Variants in PUDP observed in about 807,000 individuals in gnomAD.
PUDP encodes pseudouridine-5'-phosphatase.
In PUDP, 8 loss-of-function variants were observed where a neutral mutation model predicts 9.4. That is an observed-to-expected ratio of 0.85 (90% confidence interval 0.50 to 1.53). PUDP has a LOEUF of 1.53. PUDP is among the 40% of genes most tolerant of loss of function. The pLI is 0.00. For missense variants in PUDP, 188 were observed against 189.7 expected (o/e 0.99, Z 0.05); for synonymous variants, 99 against 80.7 (o/e 1.23, Z -1.22).
intron 3 of PUDP, among the ~76,000 whole-genome samples, chrX:6,914,360 G>A (rs181415622): frequency 9.0e-6 from 1 of 111,047 alleles, no homozygotes; most frequent in Non-Finnish European, 1.9e-5. Flanking sequence ...TCCACATACA[G>A]AATCATGGAC....
chrX:6,868,617 T>C (rs1226530839), intron 3 of PUDP, among the ~76,000 whole-genome samples: 1 of 112,597 alleles, frequency 8.9e-6, no homozygotes, highest in African/African-American at 3.2e-5. Context: ...ACAAATGTCT[T>C]TTCTTAAGCT....
intron 3 of PUDP, among the ~76,000 whole-genome samples, chrX:6,776,045 C>T (rs1925453628): frequency 8.9e-6 from 1 of 112,173 alleles, no homozygotes; most frequent in African/African-American, 3.2e-5. Flanking sequence ...TGCCACTTTA[C>T]ATTCTCACTG....
At chrX:6,777,451 G>A (rs1925484302) in intron 3 of PUDP, among the ~76,000 whole-genome samples, 1 of 111,951 alleles carries the variant, frequency 8.9e-6, no homozygotes, top group Non-Finnish European at 1.9e-5. Context: ...TCATCAGCCT[G>A]ACCTAAGCTG....
At chrX:7,100,470 C>T (rs1194590801) in intron 2 of PUDP, among the ~76,000 whole-genome samples, 1 of 112,164 alleles carries the variant, frequency 8.9e-6, no homozygotes, top group African/African-American at 3.2e-5. Context: ...AGCTCAAGGT[C>T]ATTTCCACAA....
intron 1 of PUDP, among the ~76,000 whole-genome samples, chrX:7,027,476 G>A (rs1345848237): frequency 9.3e-6 from 1 of 107,273 alleles, no homozygotes; most frequent in Non-Finnish European, 1.9e-5. Context: ...GTGTGTGTGT[G>A]TGAGTGTATG....
At chrX:6,996,664 ATT>A (rs201207141) in intron 1 of PUDP, among the ~76,000 whole-genome samples, 20 of 96,019 alleles carry the variant, frequency 2.1e-4, no homozygotes, top group East Asian at 6.5e-4. Flanking sequence ...ATATATATAC[ATT>A]TTTTTTTTTT....
At chrX:6,867,370 C>T (rs895089337) in intron 3 of PUDP, among the ~76,000 whole-genome samples, 2 of 112,015 alleles carry the variant, frequency 1.8e-5, no homozygotes, top group Non-Finnish European at 3.8e-5. Flanking sequence ...ACAGCACCCT[C>T]ACTTTCATGG....
intron 3 of PUDP, among the ~76,000 whole-genome samples, chrX:6,743,839 A>C (rs1056762609): frequency 3.6e-5 from 4 of 112,283 alleles, no homozygotes; most frequent in Non-Finnish European, 7.5e-5. Context: ...GGGAAGTTAT[A>C]ATAAGGGGAA....
At chrX:6,846,424 AAAAG>A (rs1310560369) in intron 3 of PUDP, among the ~76,000 whole-genome samples, 3 of 108,988 alleles carry the variant, frequency 2.8e-5, no homozygotes, top group Non-Finnish European at 5.7e-5. Flanking sequence ...AAAAAAAAAA[AAAAG>A]AAAAGTGTCA....
chrX:6,768,976 T>C (rs1383788766), intron 3 of PUDP, among the ~76,000 whole-genome samples: 2 of 111,979 alleles, frequency 1.8e-5, no homozygotes, highest in Admixed American at 9.5e-5. Context: ...CCACCAAAAG[T>C]GATACAGCCA....
chrX:6,793,591 A>C (rs1674993038), intron 3 of PUDP, among the ~76,000 whole-genome samples: 1 of 112,015 alleles, frequency 8.9e-6, no homozygotes, highest in Non-Finnish European at 1.9e-5. Flanking sequence ...ACCCTGGTCA[A>C]GCAAAGCTGA....
intron 3 of PUDP, among the ~76,000 whole-genome samples, chrX:6,900,137 C>T (rs1323659806): frequency 9.0e-6 from 1 of 110,814 alleles, no homozygotes; most frequent in East Asian, 2.8e-4. Context: ...TCACTTGACC[C>T]CAGGAGTTTG....
intron 3 of PUDP, among the ~76,000 whole-genome samples, chrX:6,856,340 GCTT>G (rs1334631883): frequency 9.0e-6 from 1 of 111,650 alleles, no homozygotes; most frequent in African/African-American, 3.3e-5. Context: ...CTGTTTCCAG[GCTT>G]CTTTTCAACT....
intron 1 of PUDP, among the ~76,000 whole-genome samples, chrX:6,982,531 T>G (rs932597596): frequency 9.0e-6 from 1 of 111,110 alleles, no homozygotes; most frequent in African/African-American, 3.3e-5. Flanking sequence ...AGCCATCTGA[T>G]TGTCAGAAAT....
chrX:7,148,140 G>A lies in PUDP; in HGVS notation c.-27C>T, dbSNP rs1569174137. The A allele has an allele frequency of 3.7e-6, 4 of 1,070,866 alleles. No individual in the cohort carries two copies. The highest frequency in any genetic ancestry group is 3.0e-5 in the Admixed American group (1 of 33,388). The allele number at this position is 1,070,866 out of a possible 1,213,427, so 88.3% of individuals were successfully genotyped here. ...GTGGCGCCTTCTGGGTCTGGGTGGG[G>A]GCGAGGAGGAAGTGCGCGCGCACCC... On this transcript the variant is annotated 5_prime_UTR_variant, in exon 1 of 4. Transcript: ENST00000381077.
chrX:6,970,387 T>TA lies in PUDP; in HGVS notation c.*247+6745dup, dbSNP rs1466020837. ...TTAAATAAATTATTCCTTTTGGGCA[T>TA]AAAAAATAATTTTGTGGTGCTTTAT... On this transcript the variant is annotated intron_variant and NMD_transcript_variant, in intron 3 of 3. Coordinates refer to the PUDP transcript ENST00000655425. Among the ~76,000 whole-genome samples, 3 of 112,018 alleles carry TA rather than the reference T, an allele frequency of 2.7e-5. No homozygotes were observed. In the East Asian group the frequency reaches 8.4e-4, roughly 31 times the overall value.
intron 1 of PUDP, among the ~76,000 whole-genome samples, chrX:6,991,690 AT>A (rs1333531144): frequency 1.8e-5 from 2 of 108,497 alleles, no homozygotes; most frequent in Non-Finnish European, 3.8e-5. Context: ...AAAAAAAAAA[AT>A]AAAATAAAAT....
chrX:7,003,463 T>C (rs910799627), intron 1 of PUDP, among the ~76,000 whole-genome samples: 2 of 111,520 alleles, frequency 1.8e-5, no homozygotes, highest in African/African-American at 3.3e-5. Flanking sequence ...CAATAGTTAG[T>C]ATAAAACAAC....
upstream of PUDP, among the ~76,000 whole-genome samples, chrX:6,723,432 CAAAAAA>C (rs549361509): frequency 1.0e-3 from 18 of 17,335 alleles, no homozygotes; most frequent in Non-Finnish European, 1.6e-3. Context: ...GAGGCTCTGT[CAAAAAA>C]AAAAAAAAAA....
Sources: allele counts gnomAD v4.1 joint callset (sites outside exome capture counted in the v4.1 genomes callset), GRCh38; gene constraint gnomAD v4.1.1; transcripts MANE v1.5; gene names NCBI Gene and HGNC (gene_info 2026-07-23, HGNC 2026-07-21).